The following METTL8 variants were observed in gnomAD, a reference collection of about 807,000 sequenced individuals.
METTL8 encodes tRNA N(3)-cytidine methyltransferase METTL8, mitochondrial.
In METTL8, 32 loss-of-function variants were observed where a neutral mutation model predicts 48.7. The ratio of observed to expected loss-of-function variants is 0.66; its 90% CI spans 0.50 to 0.88. METTL8 has a LOEUF of 0.88. Ranked by LOEUF, METTL8 falls within the 40% of genes least tolerant of loss-of-function variation. METTL8 has a pLI of 0.00. For synonymous variants in METTL8, 136 were observed against 157.1 expected, an observed-to-expected ratio of 0.87 and a Z score of 1.01; for missense variants, 464 against 474.4, an observed-to-expected ratio of 0.98 and a Z score of 0.20.
intron 5 of METTL8, chr2:171,332,349 C>T (rs966494695): frequency 7.1e-5 from 11 of 155,242 alleles, no homozygotes; most frequent in Non-Finnish European, 9.9e-5. Flanking sequence ...GGCACAATCA[C>T]GGGTCACTAC....
Position 171,320,844 on chromosome 2 carries a change from C to G in METTL8, c.*3328G>C, listed in dbSNP as rs1297038881. The G allele has an allele frequency of 6.6e-6, 1 of 152,238 alleles. No homozygotes were observed. The highest frequency in any genetic ancestry group is 1.5e-5 in the Non-Finnish European group (1 of 68,042). The allele number at this position is 152,238 out of a possible 1,614,324, so 9.4% of individuals were successfully genotyped here. A position where few individuals can be genotyped will look rare whatever the true frequency, so the allele number is the denominator to read the frequency against. On this transcript the variant is annotated 3_prime_UTR_variant, in exon 10 of 10. Transcript: ENST00000375258. ...CACTGATCTCTGACCTCACTCCATT[C>G]CATTCTATAGACAACTCCTCAACCT...
chr2:171,384,012 G>A (rs1364064841), intron 2 of METTL8, among the ~76,000 whole-genome samples: 1 of 152,132 alleles, frequency 6.6e-6, no homozygotes, highest in Non-Finnish European at 1.5e-5. Flanking sequence ...CTATTCACAA[G>A]AGGCAAAACA....
rs1244614360 is a variant in METTL8 at position 171,322,168 on chromosome 2, G to T, written c.*2004C>A. ...TTTAGTAGAGACAGGGTTTCACAGT[G>T]TTGGTCAGGCTGGTCTTGAACTCCT... On this transcript the variant is annotated 3_prime_UTR_variant, in exon 10 of 10. Transcript: ENST00000375258. The T allele has an allele frequency of 6.6e-6, 1 of 151,894 alleles. No homozygotes were observed. Among genetic ancestry groups the T allele is most frequent in the Admixed American group, 6.6e-5 (1 of 15,260 alleles). The allele number at this position is 151,894 out of a possible 1,614,324, so 9.4% of individuals were successfully genotyped here.
chr2:171,356,421 G>A (rs1010402513), intron 3 of METTL8, among the ~76,000 whole-genome samples: 2 of 152,146 alleles, frequency 1.3e-5, no homozygotes, highest in African/African-American at 4.8e-5. Context: ...TTATAGGCTT[G>A]AGCCATCTTG....
upstream of METTL8, chr2:171,434,388 T>G (rs373722641): frequency 2.5e-5 from 24 of 960,198 alleles, no homozygotes; most frequent in Middle Eastern, 3.1e-4. Context: ...GCTCTGGCGG[T>G]GCAAGCGGCT....
chr2:171,417,738 G>A (rs951030220), intron 1 of METTL8, among the ~76,000 whole-genome samples: 1 of 152,132 alleles, frequency 6.6e-6, no homozygotes, highest in Admixed American at 6.5e-5. Context: ...TTATAAAAAT[G>A]TTACAGATAG....
intron 3 of METTL8, among the ~76,000 whole-genome samples, chr2:171,354,654 G>A (rs181929798): frequency 1.9e-4 from 29 of 152,164 alleles, no homozygotes; most frequent in East Asian, 5.8e-4. Flanking sequence ...GGCTTTGTTC[G>A]TTTCTTTTTA....
intron 2 of METTL8, among the ~76,000 whole-genome samples, chr2:171,384,523 C>CA: frequency 6.7e-6 from 1 of 148,388 alleles, no homozygotes; most frequent in South Asian, 2.2e-4. Flanking sequence ...AGCAAACAAA[C>CA]AAACAGACAA....
At chr2:171,350,099 C>T (rs1323182211) in intron 3 of METTL8, among the ~76,000 whole-genome samples, 2 of 152,160 alleles carry the variant, frequency 1.3e-5, no homozygotes, top group South Asian at 4.1e-4. Flanking sequence ...TCTCCTAATG[C>T]TATCCCTCCC....
At chr2:171,342,052 A>C (rs905413129) in intron 3 of METTL8, among the ~76,000 whole-genome samples, 1 of 152,232 alleles carries the variant, frequency 6.6e-6, no homozygotes, top group Non-Finnish European at 1.5e-5. Context: ...AAAATAAGAG[A>C]TGCATTTCCT....
At chr2:171,385,739 C>T (rs1000687297) in intron 2 of METTL8, among the ~76,000 whole-genome samples, 2 of 152,150 alleles carry the variant, frequency 1.3e-5, no homozygotes, top group African/African-American at 4.8e-5. Flanking sequence ...CTCTTGGCTG[C>T]TAGAGTAAGT....
chr2:171,409,610 C>CA (rs1042726361), intron 1 of METTL8, among the ~76,000 whole-genome samples: 4 of 152,066 alleles, frequency 2.6e-5, no homozygotes, highest in African/African-American at 9.7e-5. Flanking sequence ...ATCAAGTAGA[C>CA]ACGGCATAGA....
intron 5 of METTL8, among the ~76,000 whole-genome samples, chr2:171,334,259 C>T (rs1685853480): frequency 1.3e-5 from 2 of 152,156 alleles, no homozygotes; most frequent in Non-Finnish European, 2.9e-5. Context: ...AAGCATGTGC[C>T]ATATGCCATG....
chr2:171,330,682 C>A lies in METTL8; in HGVS notation c.737G>T (p.Arg246Ile), dbSNP rs768040586. 6.2e-7 allele frequency: 1 copy of A among 1,612,278 alleles called. No individual in the cohort carries two copies. The highest frequency in any genetic ancestry group is 1.7e-5 in the Admixed American group (1 of 59,786). The change falls in exon 7 of 10, where the codon AGA (arginine) becomes ATA (isoleucine). Residue 246 changes from arginine to isoleucine, a missense_variant. Coordinates refer to ENST00000375258, the MANE Select transcript of METTL8 (RefSeq NM_001321154.2). ...AACAAAGGCAAAACACTGGGTTGCT[C>A]TGTAGGACGAGTGTGACTGTCATGA... Reference protein sequence around the residue: ...VELVKSHSSYRATQCFAFVHD... With the variant: ...VELVKSHSSYIATQCFAFVHD...
chr2:171,415,403 A>G (rs1321979061), intron 1 of METTL8, among the ~76,000 whole-genome samples: 1 of 125,258 alleles, frequency 8.0e-6, no homozygotes, highest in Admixed American at 1.0e-4. Context: ...CCCAGGCTGG[A>G]GTGCAGTGGC....
intron 1 of METTL8, among the ~76,000 whole-genome samples, chr2:171,398,812 C>T (rs187651455): frequency 6.6e-6 from 1 of 151,906 alleles, no homozygotes; most frequent in Admixed American, 6.6e-5. Flanking sequence ...TCTTGTGTAC[C>T]TTATATATAC....
intron 1 of METTL8, among the ~76,000 whole-genome samples, chr2:171,411,596 T>C (rs1690755294): frequency 6.6e-6 from 1 of 152,186 alleles, no homozygotes; most frequent in African/African-American, 2.4e-5. Flanking sequence ...TTCAAAGATG[T>C]ATATTAAGAA....
Position 171,324,312 on chromosome 2 carries a change from G to T in METTL8, c.1084C>A (p.Leu362Met), listed in dbSNP as rs1244180525. ...TTAACTTGTAAGCGGCGATCAACCA[G>T]ATTTTGCTTTTCATCTAAACTGGCT... is the stretch of plus-strand genomic sequence containing the variant. ...CKASLDEKQN[L>M]VDRRLQVNRK... The change falls in exon 10 of 10, where the codon CTG becomes ATG. Residue 362 changes from leucine (L) to methionine (M), a missense_variant. Coordinates refer to ENST00000375258, the MANE Select transcript of METTL8 (RefSeq NM_001321154.2). 6.4e-7 allele frequency: 1 copy of T among 1,551,540 alleles called. No homozygotes were observed. The highest frequency in any genetic ancestry group is 8.7e-7 in the Non-Finnish European group (1 of 1,147,014).
chr2:171,366,606 T>C (rs1360719964), intron 2 of METTL8, among the ~76,000 whole-genome samples: 2 of 152,016 alleles, frequency 1.3e-5, no homozygotes, highest in Admixed American at 1.3e-4. Flanking sequence ...AAAAATATGT[T>C]GAAAGATTTA....
Sources: gnomAD v4.1 joint callset for allele counts (sites outside exome capture counted in the v4.1 genomes callset) on GRCh38, gnomAD v4.1.1 for gene constraint, MANE v1.5 for transcripts, NCBI Gene and HGNC (gene_info 2026-07-23, HGNC 2026-07-21) for gene names.